Variants in RANBP10 observed in about 807,000 individuals in gnomAD.
RANBP10 encodes the protein RAN binding protein 10, also known as ran-binding protein 10.
RANBP10 carries 24 observed loss-of-function variants against 72.8 expected under a neutral mutation model. The ratio of observed to expected loss-of-function variants is 0.33; its 90% CI spans 0.24 to 0.46. RANBP10 has a LOEUF of 0.46. Ranked by LOEUF, RANBP10 falls within the 20% of genes least tolerant of loss-of-function variation. The pLI is 1.00. For synonymous variants in RANBP10, 310 were observed against 322.3 expected (o/e 0.96, Z 0.41); for missense variants, 679 against 817.5 (o/e 0.83, Z 2.07).
intron 2 of RANBP10, among the ~76,000 whole-genome samples, chr16:67,786,003 A>T (rs1226223800): frequency 6.6e-6 from 1 of 151,596 alleles, no homozygotes; most frequent in Admixed American, 6.6e-5. Flanking sequence ...CATCTCAAAA[A>T]AAATAATAAT....
chr16:67,747,903 C>G (rs1419477293), intron 3 of RANBP10, among the ~76,000 whole-genome samples: 1 of 150,388 alleles, frequency 6.6e-6, no homozygotes, highest in Non-Finnish European at 1.5e-5. Context: ...TCACGGCAAG[C>G]TCCGCCTCCC....
intron 2 of RANBP10, among the ~76,000 whole-genome samples, chr16:67,786,921 C>T (rs1290910279): frequency 6.6e-6 from 1 of 150,668 alleles, no homozygotes; most frequent in Non-Finnish European, 1.5e-5. Flanking sequence ...AGCTAGACTC[C>T]ATCTCAAAAA....
rs565537788 is a variant in RANBP10 at position 67,792,854 on chromosome 16, T to C, written c.347+12574A>G. ...AGGGTGCTCGTATGGAGAAATGTGG[T>C]TCTGTGTATGGGTCAGGAGACCCTC... is the stretch of plus-strand genomic sequence containing the variant. On this transcript the variant is annotated intron_variant, in intron 2 of 13. Coordinates refer to ENST00000317506, the MANE Select transcript of RANBP10 (RefSeq NM_020850.3). Among the ~76,000 whole-genome samples, 6 of 151,354 alleles carry C rather than the reference T, an allele frequency of 4.0e-5. No homozygotes were observed. In the East Asian group the frequency reaches 1.2e-3, roughly 29 times the overall value.
intron 2 of RANBP10, among the ~76,000 whole-genome samples, chr16:67,789,401 C>G (rs1172971750): frequency 6.6e-6 from 1 of 151,610 alleles, no homozygotes; most frequent in Non-Finnish European, 1.5e-5. Context: ...TTTCTTGAGC[C>G]TAGGAGCTCA....
chr16:67,730,534 C>T lies in RANBP10; in HGVS notation c.890-488G>A, dbSNP rs1255638565. 1.3e-5 allele frequency among the ~76,000 whole-genome samples: 2 copies of T among 152,044 alleles called. No individual in the cohort carries two copies. Among genetic ancestry groups the T allele is most frequent in the South Asian group, 2.1e-4 (1 of 4,806 alleles). ...TGGTCTTCAGGGGCTGCAGCATGCC[C>T]CCTGCTGGGAGAGGAGGCCATCCTC... is the stretch of plus-strand genomic sequence containing the variant. On this transcript the variant is annotated intron_variant, in intron 7 of 13. Transcript: ENST00000317506. The surrounding 1 kb of genome is among the most constrained non-coding windows in gnomAD (Gnocchi z 4.3).
chr16:67,777,729 T>C (rs1002723255), intron 2 of RANBP10, among the ~76,000 whole-genome samples: 5 of 152,140 alleles, frequency 3.3e-5, no homozygotes, highest in Non-Finnish European at 5.9e-5. Flanking sequence ...GCCATCCCTA[T>C]CAAAATCCCA....
At chr16:67,727,249 A>G (rs527519770) in intron 13 of RANBP10, 78 bp downstream of exon 13, 1 of 1,379,048 alleles carries the variant, frequency 7.3e-7, no homozygotes, top group South Asian at 1.3e-5. Flanking sequence ...CTGTGAGCCA[A>G]GATTGTGCCA....
chr16:67,744,048 C>T (rs2054020361), intron 4 of RANBP10: 1 of 969,426 alleles, frequency 1.0e-6, no homozygotes, highest in African/African-American at 1.8e-5. Flanking sequence ...AGATCACGAC[C>T]AGGATACTGC....
At chr16:67,748,337 T>C (rs559231820) in intron 3 of RANBP10, among the ~76,000 whole-genome samples, 5 of 150,464 alleles carry the variant, frequency 3.3e-5, no homozygotes, top group South Asian at 2.2e-4. Context: ...CTAGCCAACA[T>C]GGTGAAACCC....
At chr16:67,795,915 ATTTTT>A (rs987432243) in intron 2 of RANBP10, among the ~76,000 whole-genome samples, 1 of 134,226 alleles carries the variant, frequency 7.5e-6, no homozygotes, top group African/African-American at 2.7e-5. Context: ...AAATATTTTG[ATTTTT>A]TTTTTTTTTT....
intron 11 of RANBP10, 59 bp downstream of exon 11, chr16:67,728,331 G>A (rs954360292): frequency 6.3e-7 from 1 of 1,575,872 alleles, no homozygotes. Flanking sequence ...CCCAGGGGAA[G>A]AGGGCACCCA....
intron 2 of RANBP10, among the ~76,000 whole-genome samples, chr16:67,790,882 T>C (rs2055011695): frequency 6.6e-6 from 1 of 151,388 alleles, no homozygotes; most frequent in African/African-American, 2.4e-5. Flanking sequence ...GTATTTTTAG[T>C]AGAGACGGGG....
At chr16:67,805,387 G>T in intron 2 of RANBP10, 41 bp downstream of exon 2, 1 of 1,553,954 alleles carries the variant, frequency 6.4e-7, no homozygotes, top group Non-Finnish European at 8.9e-7. Flanking sequence ...ACAGGGATCA[G>T]CTCCATGATC....
intron 3 of RANBP10, among the ~76,000 whole-genome samples, chr16:67,756,665 T>C (rs1201817281): frequency 6.6e-6 from 1 of 151,674 alleles, no homozygotes; most frequent in Non-Finnish European, 1.5e-5. Context: ...ATTGCACCAC[T>C]GCACCCCAGG....
Position 67,746,475 on chromosome 16 carries a change from C to T in RANBP10, c.401-2020G>A, listed in dbSNP as rs555690458. On this transcript the variant is annotated intron_variant, in intron 3 of 13. Coordinates refer to ENST00000317506, the MANE Select transcript of RANBP10 (RefSeq NM_020850.3). ...CAGCCTGGGCGACACAGCAAGACTCCGTCTCAAAAATAATAATAATAATAA... is the reference window on the plus strand; with the variant it reads ...CAGCCTGGGCGACACAGCAAGACTCTGTCTCAAAAATAATAATAATAATAA... Among the ~76,000 whole-genome samples the T allele has an allele frequency of 1.3e-3, 201 of 152,054 alleles. 2 individuals are homozygous for T. Among genetic ancestry groups the T allele is most frequent in the Non-Finnish European group, 8.2e-4 (56 of 67,976 alleles).
intron 2 of RANBP10, among the ~76,000 whole-genome samples, chr16:67,805,076 T>C (rs1230901235): frequency 6.6e-6 from 1 of 152,122 alleles, no homozygotes; most frequent in East Asian, 1.9e-4. Flanking sequence ...ACCTCATGAA[T>C]ACAGCAAGAA....
At chr16:67,776,871 CA>C (rs898854030) in intron 2 of RANBP10, among the ~76,000 whole-genome samples, 21 of 150,720 alleles carry the variant, frequency 1.4e-4, no homozygotes, top group South Asian at 6.3e-4. Context: ...AATGAACAAT[CA>C]AAAAAAAATT....
At chr16:67,776,019 C>T (rs1349548091) in intron 2 of RANBP10, among the ~76,000 whole-genome samples, 1 of 151,672 alleles carries the variant, frequency 6.6e-6, no homozygotes, top group South Asian at 2.1e-4. Context: ...GTGGTGGGTG[C>T]CTGTAGTCCC....
At chr16:67,785,899 G>A (rs554937917) in intron 2 of RANBP10, among the ~76,000 whole-genome samples, 2 of 151,748 alleles carry the variant, frequency 1.3e-5, no homozygotes, top group South Asian at 2.1e-4. Flanking sequence ...GGTGGCAGGC[G>A]CCTGTAGTCC....
Sources: gnomAD v4.1 joint callset for allele counts (sites outside exome capture counted in the v4.1 genomes callset) on GRCh38, gnomAD v4.1.1 for gene constraint, Gnocchi (gnomAD v3.1) non-coding constraint, MANE v1.5 for transcripts, NCBI Gene and HGNC (gene_info 2026-07-23, HGNC 2026-07-21) for gene names.